Variants in LHFPL3 observed in about 807,000 individuals in gnomAD.
The protein encoded by LHFPL3 is LHFPL tetraspan subfamily member 3, also known as LHFPL tetraspan subfamily member 3 protein.
A neutral mutation model predicts 19.3 loss-of-function variants in LHFPL3; 5 were observed. The ratio of observed to expected loss-of-function variants is 0.26; its 90% CI spans 0.14 to 0.54. LHFPL3 has a LOEUF of 0.54. Ranked by LOEUF, LHFPL3 falls within the 20% of genes least tolerant of loss-of-function variation. The probability of loss-of-function intolerance (pLI) is 0.94; values close to 1 mark genes in which losing one functional copy is unlikely to be tolerated. For missense variants in LHFPL3, 249 were observed against 307.4 expected (o/e 0.81, Z 1.42); for synonymous variants, 133 against 126.2 (o/e 1.05, Z -0.36).
intron 1 of LHFPL3, among the ~76,000 whole-genome samples, chr7:104,564,569 C>T (rs1790082004): frequency 6.6e-6 from 1 of 152,178 alleles, no homozygotes; most frequent in African/African-American, 2.4e-5. Context: ...TAAGTTTTTA[C>T]ATGAGAAAGA....
At chr7:104,823,908 G>A (rs1790726840) in intron 2 of LHFPL3, among the ~76,000 whole-genome samples, 1 of 151,650 alleles carries the variant, frequency 6.6e-6, no homozygotes, top group South Asian at 2.1e-4. Flanking sequence ...CACTTTGGGA[G>A]GCCAAAACGG....
chr7:104,515,704 G>A (rs1468152698), intron 1 of LHFPL3, among the ~76,000 whole-genome samples: 1 of 152,096 alleles, frequency 6.6e-6, no homozygotes, highest in Non-Finnish European at 1.5e-5. Flanking sequence ...AAAGCAATAC[G>A]AAAAGGAGGA....
chr7:104,821,530 A>G (rs911815980), intron 2 of LHFPL3, among the ~76,000 whole-genome samples: 1 of 152,234 alleles, frequency 6.6e-6, no homozygotes, highest in Non-Finnish European at 1.5e-5. Context: ...CTTCTCAGAG[A>G]GAGCCAAATC....
chr7:104,613,202 T>C (rs915850297), intron 1 of LHFPL3, among the ~76,000 whole-genome samples: 5 of 152,178 alleles, frequency 3.3e-5, no homozygotes, highest in Non-Finnish European at 5.9e-5. Flanking sequence ...GGTAGCATGT[T>C]GCAAAATAAC....
intron 1 of LHFPL3, among the ~76,000 whole-genome samples, chr7:104,613,478 T>C (rs1054289182): frequency 5.9e-5 from 9 of 152,158 alleles, no homozygotes; most frequent in Non-Finnish European, 1.2e-4. Context: ...AAATGACGAT[T>C]CTTTTGAAAT....
rs558451532 is a variant in LHFPL3 at position 104,594,643 on chromosome 7, G to T, written c.446-142032G>T. Among the ~76,000 whole-genome samples the T allele has an allele frequency of 2.0e-5, 3 of 152,242 alleles. No homozygotes were observed. The East Asian group carries it at 5.8e-4, about 29-fold the overall frequency. On this transcript the variant is annotated intron_variant, in intron 1 of 2. Transcript: ENST00000424859. ...ATCCTGAATAGTGTTTTCCACCTTGGTTCCATTCTCCCCATCACTTTCAGG... is the reference window on the plus strand; with the variant it reads ...ATCCTGAATAGTGTTTTCCACCTTGTTTCCATTCTCCCCATCACTTTCAGG...
chr7:104,893,482 A>G (rs1210331686), intron 2 of LHFPL3, among the ~76,000 whole-genome samples: 1 of 151,890 alleles, frequency 6.6e-6, no homozygotes, highest in African/African-American at 2.4e-5. Context: ...AGATCACGCC[A>G]CTATACTCCA....
intron 1 of LHFPL3, among the ~76,000 whole-genome samples, chr7:104,642,832 C>T (rs1288132671): frequency 6.6e-6 from 1 of 152,208 alleles, no homozygotes; most frequent in South Asian, 2.1e-4. Flanking sequence ...CCTTTACCAG[C>T]AGGCATTCCA....
chr7:104,615,571 C>T (rs914641866), intron 1 of LHFPL3, among the ~76,000 whole-genome samples: 3 of 152,110 alleles, frequency 2.0e-5, no homozygotes, highest in Non-Finnish European at 2.9e-5. Context: ...ATGTGCAGAA[C>T]GTGCAGGTTT....
At chr7:104,416,852 A>G (rs956299264) in intron 1 of LHFPL3, among the ~76,000 whole-genome samples, 2 of 152,224 alleles carry the variant, frequency 1.3e-5, no homozygotes, top group African/African-American at 4.8e-5. Context: ...GAGTGGATGC[A>G]TATGGGCCTT....
At chr7:104,779,380 A>G (rs974971747) in intron 2 of LHFPL3, among the ~76,000 whole-genome samples, 1 of 152,276 alleles carries the variant, frequency 6.6e-6, no homozygotes, top group South Asian at 2.1e-4. Flanking sequence ...TTATTTTTGT[A>G]TGTTTCATAA....
rs1166789248 is a variant in LHFPL3, at chr7:104,761,738, C to T, written c.682+24827C>T. Among the ~76,000 whole-genome samples, 4 of 152,118 alleles carry T rather than the reference C, an allele frequency of 2.6e-5. No individual in the cohort carries two copies. In the South Asian group the frequency reaches 8.3e-4, roughly 32 times the overall value. On this transcript the variant is annotated intron_variant, in intron 2 of 2. Coordinates refer to ENST00000424859, the MANE Select transcript of LHFPL3 (RefSeq NM_199000.3). The stretch of plus-strand genomic sequence containing the variant: ...GAATTTCTTCAAATACATAGCCTGC[C>T]GGAATTTTCATTTCACTGCAGCTTG...
chr7:104,596,189 T>C (rs1289420186), intron 1 of LHFPL3, among the ~76,000 whole-genome samples: 1 of 152,268 alleles, frequency 6.6e-6, no homozygotes, highest in East Asian at 1.9e-4. Context: ...TTCAGCCATC[T>C]TCACTGTTTT....
At chr7:104,718,986 C>T (rs559309857) in intron 1 of LHFPL3, among the ~76,000 whole-genome samples, 5 of 152,084 alleles carry the variant, frequency 3.3e-5, no homozygotes, top group Non-Finnish European at 5.9e-5. Flanking sequence ...TAAGATCCTG[C>T]GGCAAAAATG....
At chr7:104,862,365 A>G (rs951668189) in intron 2 of LHFPL3, among the ~76,000 whole-genome samples, 3 of 152,052 alleles carry the variant, frequency 2.0e-5, no homozygotes, top group African/African-American at 7.3e-5. Context: ...ACATATTGCC[A>G]CCTCCAGGCA....
chr7:104,495,148 A>G (rs1240383721), intron 1 of LHFPL3, among the ~76,000 whole-genome samples: 2 of 151,986 alleles, frequency 1.3e-5, no homozygotes, highest in Non-Finnish European at 2.9e-5. Context: ...AGAAGGTTCA[A>G]CCCCTTCCCC....
chr7:104,611,120 A>T (rs7785220), intron 1 of LHFPL3, among the ~76,000 whole-genome samples: 55,057 of 152,094 alleles, frequency 0.36, 10,176 homozygotes, highest in South Asian at 0.48. Context: ...GTTGAGTTAA[A>T]CCTATAGGAT....
Position 104,527,714 on chromosome 7 carries a change from A to C in LHFPL3, c.445+198490A>C, listed in dbSNP as rs117921599. The stretch of plus-strand genomic sequence containing the variant: ...AGGAGGGGGAGGAAGCCCAGGCTAC[A>C]GACCCAAGAAGGACCCTTTGAAAGT... On this transcript the variant is annotated intron_variant, in intron 1 of 2. Transcript: ENST00000424859. 7.7e-3 allele frequency among the ~76,000 whole-genome samples: 1,166 copies of C among 152,326 alleles called. 9 individuals carry two copies. The highest frequency in any genetic ancestry group is 0.014 in the Middle Eastern group (4 of 294).
chr7:104,462,566 C>G (rs1405492904), intron 1 of LHFPL3, among the ~76,000 whole-genome samples: 3 of 152,162 alleles, frequency 2.0e-5, no homozygotes, highest in Non-Finnish European at 4.4e-5. Context: ...GTTGAACCAA[C>G]CTTGTATCCC....
Sources: allele counts gnomAD v4.1 joint callset (sites outside exome capture counted in the v4.1 genomes callset), GRCh38; gene constraint gnomAD v4.1.1; transcripts MANE v1.5; gene names NCBI Gene and HGNC (gene_info 2026-07-23, HGNC 2026-07-21).